Variants in ATXN10 observed in about 807,000 individuals in gnomAD.
The protein encoded by ATXN10 is ataxin 10, also known as ataxin-10.
In ATXN10, 28 loss-of-function variants were observed where a neutral mutation model predicts 52.9. The observed-to-expected ratio is 0.53, with a 90% CI of 0.39 to 0.73. ATXN10 has a LOEUF of 0.73. ATXN10 is among the 30% of genes least tolerant of loss of function. ATXN10 has a pLI of 0.00. For synonymous variants in ATXN10, 226 were observed against 221.5 expected, an observed-to-expected ratio of 1.02 and a Z score of -0.18; for missense variants, 565 against 577.0, an observed-to-expected ratio of 0.98 and a Z score of 0.21.
intron 9 of ATXN10, among the ~76,000 whole-genome samples, chr22:45,753,438 C>T (rs1297358450): frequency 2.9e-5 from 3 of 104,100 alleles, no homozygotes; most frequent in Admixed American, 1.5e-4. Context: ...GACAGAGTCT[C>T]GCTCTTGCCC....
At chr22:45,799,600 A>G (rs1420430560) in intron 9 of ATXN10, among the ~76,000 whole-genome samples, 1 of 152,206 alleles carries the variant, frequency 6.6e-6, no homozygotes, top group Non-Finnish European at 1.5e-5. Context: ...AGAGAGACCT[A>G]GAACAAATTC....
At chr22:45,697,519 G>C (rs1923659779) in intron 3 of ATXN10, among the ~76,000 whole-genome samples, 1 of 152,072 alleles carries the variant, frequency 6.6e-6, no homozygotes, top group Admixed American at 6.5e-5. Flanking sequence ...CCACTACTTA[G>C]CATTCTGTCT....
intron 9 of ATXN10, among the ~76,000 whole-genome samples, chr22:45,797,730 T>C (rs1927792898): frequency 6.6e-6 from 1 of 152,102 alleles, no homozygotes; most frequent in African/African-American, 2.4e-5. Context: ...AAAATAGACA[T>C]AGAGTGGAGA....
chr22:45,774,750 T>C lies in ATXN10; in HGVS notation c.1174-32209T>C, dbSNP rs1419511371. Among the ~76,000 whole-genome samples, 8 of 152,332 alleles carry C rather than the reference T, an allele frequency of 5.3e-5. No individual in the cohort carries two copies. In the East Asian group the frequency reaches 7.7e-4, roughly 15 times the overall value. ...GAGTTTGAGACCAGCCTGACCACCATGGTGAAACCCTGTCTCTACTAAAAA... is the reference window on the plus strand; with the variant it reads ...GAGTTTGAGACCAGCCTGACCACCACGGTGAAACCCTGTCTCTACTAAAAA... On this transcript the variant is annotated intron_variant, in intron 9 of 11. Coordinates refer to ENST00000252934, the MANE Select transcript of ATXN10 (RefSeq NM_013236.4). This position sits in a 1 kb window ranked among gnomAD's most constrained non-coding sequence, Gnocchi z 6.2.
At position 45,762,246 on chromosome 22, in the gene ATXN10, G is replaced by A. The variant is rs1439716291; in HGVS notation, c.1173+21708G>A. On this transcript the variant is annotated intron_variant, in intron 9 of 11. Transcript: ENST00000252934. The surrounding 1 kb of genome is among the most constrained non-coding windows in gnomAD (Gnocchi z 4.3). Reference sequence around the variant, plus strand: ...CCTTTGTCTGTTTCCCCTGACCAGCGTGCGTTTCTTTCTGGAGGCGCAGGG... The same window carrying A: ...CCTTTGTCTGTTTCCCCTGACCAGCATGCGTTTCTTTCTGGAGGCGCAGGG... Among the ~76,000 whole-genome samples the A allele has an allele frequency of 2.6e-5, 4 of 152,164 alleles. No homozygotes were observed. Among genetic ancestry groups the A allele is most frequent in the African/African-American group, 7.2e-5 (3 of 41,422 alleles).
At chr22:45,699,741 C>A (rs929493784) in intron 3 of ATXN10, among the ~76,000 whole-genome samples, 1 of 151,980 alleles carries the variant, frequency 6.6e-6, no homozygotes, top group Non-Finnish European at 1.5e-5. Context: ...ATCCGCACCC[C>A]CCTCGTCTTC....
In ATXN10 at chr22:45,684,835, C is replaced by T. The variant is rs1923072065; in HGVS notation, c.117-4877C>T. On this transcript the variant is annotated intron_variant, in intron 1 of 11. Coordinates refer to ENST00000252934, the MANE Select transcript of ATXN10 (RefSeq NM_013236.4). The surrounding 1 kb of genome is among the most constrained non-coding windows in gnomAD (Gnocchi z 4.1). ...AAATTTTACCCTAGGCTGTTTGTGG[C>T]AGGAGATACAGATGTTTTTATTTTC... is the stretch of plus-strand genomic sequence containing the variant. Among the ~76,000 whole-genome samples, 1 of 152,158 alleles carries T rather than the reference C, an allele frequency of 6.6e-6. No individual in the cohort carries two copies. The highest frequency in any genetic ancestry group is 3.2e-3 in the Middle Eastern group (1 of 316).
rs904661809 is a variant in ATXN10, at chr22:45,789,573, G to C, written c.1174-17386G>C. Among the ~76,000 whole-genome samples the C allele has an allele frequency of 6.6e-6, 1 of 152,192 alleles. No homozygotes were observed. The highest frequency in any genetic ancestry group is 6.5e-5 in the Admixed American group (1 of 15,284). ...TTGTCACCGCCCTGGGAAGGCGCCA[G>C]TGAAGGGCCTGGAAAAGTTAGGGGT... On this transcript the variant is annotated intron_variant, in intron 9 of 11. Coordinates refer to ENST00000252934, the MANE Select transcript of ATXN10 (RefSeq NM_013236.4). The surrounding 1 kb of genome is among the most constrained non-coding windows in gnomAD (Gnocchi z 4.0).
At chr22:45,697,080 A>C (rs1923636749) in intron 3 of ATXN10, among the ~76,000 whole-genome samples, 1 of 152,228 alleles carries the variant, frequency 6.6e-6, no homozygotes, top group South Asian at 2.1e-4. Context: ...TGAACAATCG[A>C]GTGGCATTTA....
intron 10 of ATXN10, among the ~76,000 whole-genome samples, chr22:45,815,577 T>TTCCCTCCC (rs533710926): frequency 6.6e-6 from 1 of 152,038 alleles, no homozygotes; most frequent in African/African-American, 2.4e-5. Context: ...CTTTTTTCCT[T>TTCCCTCCC]TCCCTCCCTC....
At chr22:45,716,695 G>A (rs6006797) in intron 5 of ATXN10, among the ~76,000 whole-genome samples, 20,854 of 151,948 alleles carry the variant, frequency 0.14, 3,094 homozygotes, top group African/African-American at 0.37. Flanking sequence ...GTTCTACTTT[G>A]AGAGGATAGA....
chr22:45,743,457 G>C (rs967907020), intron 9 of ATXN10, among the ~76,000 whole-genome samples: 1 of 152,134 alleles, frequency 6.6e-6, no homozygotes, highest in Non-Finnish European at 1.5e-5. Flanking sequence ...GAATTCACTC[G>C]CACTCAGATG....
At chr22:45,801,219 C>G (rs112903671) in intron 9 of ATXN10, among the ~76,000 whole-genome samples, 20 of 152,264 alleles carry the variant, frequency 1.3e-4, no homozygotes, top group Non-Finnish European at 2.5e-4. Flanking sequence ...AACACTGATG[C>G]GCAGAAATGC....
At chr22:45,827,289 C>A (rs1193883447) in intron 10 of ATXN10, among the ~76,000 whole-genome samples, 1 of 151,908 alleles carries the variant, frequency 6.6e-6, no homozygotes, top group East Asian at 1.9e-4. Flanking sequence ...AAACAAATAG[C>A]AAAATGACAT....
rs1014146719 is a variant in ATXN10 at position 45,708,619 on chromosome 22, T to G, written c.647+5772T>G. Among the ~76,000 whole-genome samples the G allele has an allele frequency of 6.6e-6, 1 of 152,146 alleles. No individual in the cohort carries two copies. Among genetic ancestry groups the G allele is most frequent in the East Asian group, 1.9e-4 (1 of 5,188 alleles). ...TTTCAAAGGTGAGGCATGAACTCTT[T>G]TCAGTTTTAGCCTCTTTTGGTGTAA... On this transcript the variant is annotated intron_variant, in intron 5 of 11. Transcript: ENST00000252934. The surrounding 1 kb of genome is among the most constrained non-coding windows in gnomAD (Gnocchi z 5.3).
In ATXN10 at chr22:45,837,769, C is replaced by T. The variant is rs1396679991; in HGVS notation, c.1238-5222C>T. On this transcript the variant is annotated intron_variant, in intron 10 of 11. Transcript: ENST00000252934. This position sits in a 1 kb window ranked among gnomAD's most constrained non-coding sequence, Gnocchi z 5.8. ...ATGGGCATGGCTGTGTGCCGTAGAA[C>T]CTTGTTTACGGATACGGACATTTGA... Among the ~76,000 whole-genome samples the T allele has an allele frequency of 2.6e-5, 4 of 152,306 alleles. No homozygotes were observed. The highest frequency in any genetic ancestry group is 6.5e-5 in the Admixed American group (1 of 15,304).
rs1928578199 is a variant in ATXN10, at chr22:45,819,446, T to C, written c.1237+12424T>C. 1.3e-5 allele frequency among the ~76,000 whole-genome samples: 2 copies of C among 152,184 alleles called. No individual in the cohort carries two copies. Among genetic ancestry groups the C allele is most frequent in the African/African-American group, 4.8e-5 (2 of 41,440 alleles). On this transcript the variant is annotated intron_variant, in intron 10 of 11. Coordinates refer to ENST00000252934, the MANE Select transcript of ATXN10 (RefSeq NM_013236.4). The surrounding 1 kb of genome is among the most constrained non-coding windows in gnomAD (Gnocchi z 4.5). ...GTCTCTGCACGGAACGAACACAAAGTTCGGTAGTCACAGGACACCCTTGCC... is the reference window on the plus strand; with the variant it reads ...GTCTCTGCACGGAACGAACACAAAGCTCGGTAGTCACAGGACACCCTTGCC...
At chr22:45,831,107 G>A (rs1271154111) in intron 10 of ATXN10, among the ~76,000 whole-genome samples, 1 of 152,168 alleles carries the variant, frequency 6.6e-6, no homozygotes, top group Admixed American at 6.5e-5. Flanking sequence ...AAATAAGCCA[G>A]TCATACCGTG....
rs1400967609 is a variant in ATXN10, at chr22:45,718,567, CTG to C, written c.728+79_728+80del. On this transcript the variant is annotated intron_variant, in intron 6 of 11. Coordinates refer to ENST00000252934, the MANE Select transcript of ATXN10 (RefSeq NM_013236.4). The surrounding 1 kb of genome is among the most constrained non-coding windows in gnomAD (Gnocchi z 4.4). The stretch of plus-strand genomic sequence containing the variant: ...GTATTCGATGCACGTGACTGAAAAG[CTG>C]TGTGGTTTCTGAGTTGGCACAGAAT... 6 of 1,311,468 alleles carry C rather than the reference CTG, an allele frequency of 4.6e-6. No homozygotes were observed. The highest frequency in any genetic ancestry group is 5.5e-6 in the Non-Finnish European group (5 of 904,980). The allele number at this position is 1,311,468 out of a possible 1,614,324, so 81.2% of individuals were successfully genotyped here.
Sources: allele counts gnomAD v4.1 joint callset (sites outside exome capture counted in the v4.1 genomes callset), GRCh38; gene constraint gnomAD v4.1.1; non-coding constraint Gnocchi (gnomAD v3.1); transcripts MANE v1.5; gene names NCBI Gene and HGNC (gene_info 2026-07-23, HGNC 2026-07-21).